FMNL2: variants seen among roughly 807,000 people sequenced by gnomAD.
The protein encoded by FMNL2 is formin like 2.
In FMNL2, 51 loss-of-function variants were observed where a neutral mutation model predicts 130.2. The ratio of observed to expected loss-of-function variants is 0.39; its 90% CI spans 0.31 to 0.49. The LOEUF (loss-of-function observed/expected upper bound fraction) is 0.49, where lower values mean the gene tolerates loss of function less well. FMNL2 is among the 20% of genes least tolerant of loss of function. The pLI is 0.85. For missense variants in FMNL2, 977 were observed against 1,316.2 expected (o/e 0.74, Z 3.99); for synonymous variants, 465 against 467.1 (o/e 1.00, Z 0.06).
intron 1 of FMNL2, among the ~76,000 whole-genome samples, chr2:152,507,331 A>G (rs1038441964): frequency 7.2e-5 from 11 of 152,228 alleles, no homozygotes; most frequent in African/African-American, 2.7e-4. Flanking sequence ...TAAAGAAACT[A>G]AGATGCTCCA....
In FMNL2 at chr2:152,649,375, T is replaced by C. The variant is rs550708008; in HGVS notation, c.*1470T>C. 3.9e-5 allele frequency: 6 copies of C among 152,594 alleles called. No individual in the cohort carries two copies. Among genetic ancestry groups the C allele is most frequent in the South Asian group, 4.1e-4 (2 of 4,830 alleles). 9.5% of individuals were successfully genotyped at this position (152,594 alleles called of 1,614,324 possible). On this transcript the variant is annotated 3_prime_UTR_variant, in exon 26 of 26. Transcript: ENST00000288670. ...ACAATCTGAATGTTATTTTAACTTATAGTTTTTTTTAATATATATATTTAA... is the reference window on the plus strand; with the variant it reads ...ACAATCTGAATGTTATTTTAACTTACAGTTTTTTTTAATATATATATTTAA...
At chr2:152,415,148 TTA>T (rs1313375155) in intron 1 of FMNL2, among the ~76,000 whole-genome samples, 10 of 151,188 alleles carry the variant, frequency 6.6e-5, no homozygotes, top group Non-Finnish European at 1.2e-4. Flanking sequence ...TTTGGCAACT[TTA>T]TGTCAGTTCT....
In FMNL2 at chr2:152,625,490, C is replaced by T. The variant is rs1170077960; in HGVS notation, c.1890C>T (p.Asn630=). 9 of 1,611,884 alleles carry T rather than the reference C, an allele frequency of 5.6e-6. No individual in the cohort carries two copies. The highest frequency in any genetic ancestry group is 7.6e-6 in the Non-Finnish European group (9 of 1,178,064). Reference sequence around the variant, plus strand: ...CGAAGTTCAGAATGCCAGTGTTTAACTGGGTTGCTCTGAAGCCCAATCAGA... The same window carrying T: ...CGAAGTTCAGAATGCCAGTGTTTAATTGGGTTGCTCTGAAGCCCAATCAGA... ...IKTKFRMPVF[N]WVALKPNQIN... is the part of the protein sequence containing the mutation. Residue 630 remains asparagine, a synonymous_variant, in exon 16 of 26, where the codon AAC becomes AAT. Transcript: ENST00000288670.
At chr2:152,607,485 A>G in intron 10 of FMNL2, 72 bp downstream of exon 10, 1 of 873,860 alleles carries the variant, frequency 1.1e-6, no homozygotes, top group Non-Finnish European at 1.8e-6. Flanking sequence ...ACACACACAC[A>G]CACACACACA....
chr2:152,544,015 AC>A (rs1579926469), intron 3 of FMNL2, among the ~76,000 whole-genome samples: 1 of 152,196 alleles, frequency 6.6e-6, no homozygotes, highest in Non-Finnish European at 1.5e-5. Flanking sequence ...GTCAGGTCTT[AC>A]ACCTGCAAAT....
intron 1 of FMNL2, among the ~76,000 whole-genome samples, chr2:152,360,615 G>T (rs1442284013): frequency 6.6e-6 from 1 of 152,130 alleles, no homozygotes; most frequent in Non-Finnish European, 1.5e-5. Flanking sequence ...AATTGACAGC[G>T]ACTGGTGCTA....
In FMNL2 at chr2:152,520,829, A is replaced by T. The variant is rs1403166991; in HGVS notation, c.118-1114A>T. ...TTAAACTTGTTTCACCCTATAACAC[A>T]AGACAATAACCATGACCAGGGGAAT... On this transcript the variant is annotated intron_variant, in intron 1 of 25. Coordinates refer to ENST00000288670, the MANE Select transcript of FMNL2 (RefSeq NM_052905.4). 2.6e-5 allele frequency among the ~76,000 whole-genome samples: 4 copies of T among 152,286 alleles called. No individual in the cohort carries two copies. In the East Asian group the frequency reaches 7.7e-4, roughly 29 times the overall value.
At chr2:152,465,713 G>A (rs771139081) in intron 1 of FMNL2, among the ~76,000 whole-genome samples, 14 of 152,166 alleles carry the variant, frequency 9.2e-5, no homozygotes, top group Non-Finnish European at 1.6e-4. Context: ...GGAAGTACTC[G>A]GCTTTTCTTT....
intron 15 of FMNL2, chr2:152,622,405 T>C: frequency 2.3e-6 from 1 of 438,894 alleles, no homozygotes; most frequent in South Asian, 1.6e-5. Flanking sequence ...AATTTTTGGC[T>C]CTGTGCCGCC....
chr2:152,432,276 A>T, intron 1 of FMNL2, among the ~76,000 whole-genome samples: 1 of 151,774 alleles, frequency 6.6e-6, no homozygotes, highest in East Asian at 1.9e-4. Flanking sequence ...CCATTCTGGC[A>T]TTGCCTGTGT....
intron 1 of FMNL2, among the ~76,000 whole-genome samples, chr2:152,483,377 A>G (rs1390973496): frequency 6.9e-6 from 1 of 144,850 alleles, no homozygotes. Flanking sequence ...CAGACACATT[A>G]AAAAAAAAAA....
intron 18 of FMNL2, among the ~76,000 whole-genome samples, chr2:152,629,387 T>C (rs1682014530): frequency 6.6e-6 from 1 of 152,226 alleles, no homozygotes. Context: ...TTAGTGGTTG[T>C]AGATTGGTTA....
chr2:152,631,392 CAAAAAAAAA>C (rs33966314), intron 20 of FMNL2, among the ~76,000 whole-genome samples: 2 of 77,248 alleles, frequency 2.6e-5, no homozygotes, highest in Non-Finnish European at 4.7e-5. Context: ...GACTCCATCT[CAAAAAAAAA>C]AAAAAAAAAA....
At chr2:152,379,834 C>T (rs1052443856) in intron 1 of FMNL2, among the ~76,000 whole-genome samples, 8 of 152,122 alleles carry the variant, frequency 5.3e-5, no homozygotes, top group Admixed American at 1.3e-4. Flanking sequence ...AGTTAACTTC[C>T]GCTACCAGTT....
At chr2:152,607,494 C>CACACAG (rs1559003756) in intron 10 of FMNL2, 81 bp downstream of exon 10, 1 of 893,266 alleles carries the variant, frequency 1.1e-6, no homozygotes, top group African/African-American at 1.7e-5. Context: ...CACACACACA[C>CACACAG]ACACACACAC....
chr2:152,603,182 A>C (rs1698178680), intron 9 of FMNL2, among the ~76,000 whole-genome samples: 1 of 152,182 alleles, frequency 6.6e-6, no homozygotes, highest in South Asian at 2.1e-4. Context: ...CAGGAAACAC[A>C]ACCCTGAGTT....
At chr2:152,365,745 C>T (rs984752560) in intron 1 of FMNL2, among the ~76,000 whole-genome samples, 5 of 152,044 alleles carry the variant, frequency 3.3e-5, no homozygotes, top group African/African-American at 1.2e-4. Flanking sequence ...TGCACTCCAG[C>T]CTGGGCGACA....
chr2:152,522,106 T>C, intron 2 of FMNL2, 80 bp downstream of exon 2: 3 of 1,162,508 alleles, frequency 2.6e-6, no homozygotes, highest in Non-Finnish European at 3.7e-6. Flanking sequence ...TATGTCAATA[T>C]CATGATTGAA....
chr2:152,633,305 A>G (rs150285905), intron 21 of FMNL2, among the ~76,000 whole-genome samples: 4 of 152,098 alleles, frequency 2.6e-5, no homozygotes, highest in African/African-American at 9.7e-5. Context: ...TGTGTTGCCT[A>G]GGCTGGTCTT....
Sources: gnomAD v4.1 joint callset for allele counts (sites outside exome capture counted in the v4.1 genomes callset) on GRCh38, gnomAD v4.1.1 for gene constraint, MANE v1.5 for transcripts, NCBI Gene and HGNC (gene_info 2026-07-23, HGNC 2026-07-21) for gene names.